TNFRSF10B: variants seen among roughly 807,000 people sequenced by gnomAD.
TNFRSF10B encodes the protein TNF receptor superfamily member 10b.
A neutral mutation model predicts 41.4 loss-of-function variants in TNFRSF10B; 35 were observed. The observed-to-expected ratio is 0.85, with a 90% CI of 0.65 to 1.12. The LOEUF (loss-of-function observed/expected upper bound fraction) is 1.12. Ranked by LOEUF, TNFRSF10B falls within the 50% of genes most tolerant of loss-of-function variation. TNFRSF10B has a pLI of 0.00. For synonymous variants in TNFRSF10B, 230 were observed against 215.5 expected (o/e 1.07, Z -0.59); for missense variants, 584 against 552.7 (o/e 1.06, Z -0.57).
intron 1 of TNFRSF10B, among the ~76,000 whole-genome samples, chr8:23,055,298 C>T (rs1393389638): frequency 6.6e-6 from 1 of 152,028 alleles, no homozygotes; most frequent in Non-Finnish European, 1.5e-5. Context: ...TCCAGTACTG[C>T]ATTTGGTGCC....
intron 1 of TNFRSF10B, among the ~76,000 whole-genome samples, chr8:23,047,233 G>A (rs768071065): frequency 1.3e-5 from 2 of 148,474 alleles, no homozygotes; most frequent in Non-Finnish European, 2.9e-5. Flanking sequence ...GGCATGCACC[G>A]GTAATCCCAG....
chr8:23,051,745 A>T (rs991328679), intron 1 of TNFRSF10B, among the ~76,000 whole-genome samples: 2 of 151,986 alleles, frequency 1.3e-5, no homozygotes, highest in African/African-American at 4.8e-5. Context: ...GGGTTTCATC[A>T]TGTTAGCCAG....
intron 8 of TNFRSF10B, 144 bp downstream of exon 8, chr8:23,024,044 A>G: frequency 1.0e-6 from 1 of 957,410 alleles, no homozygotes; most frequent in Non-Finnish European, 1.7e-6. Flanking sequence ...AAGACAGTTT[A>G]GGGTCCAGAT....
At chr8:23,028,721 C>G (rs1811788084) in intron 4 of TNFRSF10B, 119 bp from the exon 5 acceptor site, 3 of 1,267,216 alleles carry the variant, frequency 2.4e-6, no homozygotes, top group Non-Finnish European at 3.4e-6. Flanking sequence ...GAAGGACAGT[C>G]TCCTCGTGTC....
At chr8:23,036,708 T>C (rs945409656) in intron 2 of TNFRSF10B, among the ~76,000 whole-genome samples, 3 of 152,182 alleles carry the variant, frequency 2.0e-5, no homozygotes, top group African/African-American at 7.2e-5. Context: ...CCGAGCATGG[T>C]GGCACATGCC....
At position 23,052,529 on chromosome 8, in the gene TNFRSF10B, G is replaced by A. The variant is rs187520884; in HGVS notation, c.145-9286C>T. On this transcript the variant is annotated intron_variant, in intron 1 of 8. Coordinates refer to ENST00000276431, the MANE Select transcript of TNFRSF10B (RefSeq NM_003842.5). Reference sequence around the variant, plus strand: ...TCTTGATCTCCTGACCTTGTGATCCGCCCGCCTCAGCCTCCCAAAGTGCTG... The same window carrying A: ...TCTTGATCTCCTGACCTTGTGATCCACCCGCCTCAGCCTCCCAAAGTGCTG... Among the ~76,000 whole-genome samples the A allele has an allele frequency of 8.4e-3, 1,281 of 151,692 alleles. 23 individuals carry two copies. The highest frequency in any genetic ancestry group is 0.029 in the African/African-American group (1,201 of 41,352).
intron 6 of TNFRSF10B, 25 bp downstream of exon 6, chr8:23,027,697 C>G: frequency 6.2e-7 from 1 of 1,614,096 alleles, no homozygotes; most frequent in East Asian, 2.2e-5. Context: ...CCCTGAGCCC[C>G]CAGCTCCTGG....
At position 23,022,263 on chromosome 8, in the gene TNFRSF10B, C is replaced by G. The variant is rs1811553371; in HGVS notation, c.*408G>C. On this transcript the variant is annotated 3_prime_UTR_variant, in exon 9 of 9. Coordinates refer to ENST00000276431, the MANE Select transcript of TNFRSF10B (RefSeq NM_003842.5). ...AGACAGAGTGAACTGCCCCGCACCC[C>G]CCACCCAAAAAAGGTTCATATCATA... is the stretch of plus-strand genomic sequence containing the variant. 3 of 454,088 alleles carry G rather than the reference C, an allele frequency of 6.6e-6. No individual in the cohort carries two copies. Among genetic ancestry groups the G allele is most frequent in the South Asian group, 4.7e-5 (3 of 64,470 alleles). 28.1% of individuals were successfully genotyped at this position (454,088 alleles called of 1,614,324 possible). A position where few individuals can be genotyped will look rare whatever the true frequency, so the allele number is the denominator to read the frequency against.
chr8:23,063,251 G>C (rs1408433514), intron 1 of TNFRSF10B, among the ~76,000 whole-genome samples: 4 of 151,954 alleles, frequency 2.6e-5, no homozygotes, highest in Non-Finnish European at 5.9e-5. Context: ...AGGAGGCTGA[G>C]GCAGGAGAAT....
In TNFRSF10B at chr8:23,020,355, A is replaced by G. The variant is rs141093234; in HGVS notation, c.*2316T>C. On this transcript the variant is annotated 3_prime_UTR_variant, in exon 9 of 9. Coordinates refer to ENST00000276431, the MANE Select transcript of TNFRSF10B (RefSeq NM_003842.5). ...GGATATAGCAAAGCCTAATGTAACT[A>G]AACAACAAAACCCCCAATTATTTCA... 48 of 453,906 alleles carry G rather than the reference A, an allele frequency of 1.1e-4. No homozygotes were observed. Among genetic ancestry groups the G allele is most frequent in the Non-Finnish European group, 1.7e-4 (39 of 226,770 alleles). 28.1% of individuals were successfully genotyped at this position (453,906 alleles called of 1,614,324 possible). A position where few individuals can be genotyped will look rare whatever the true frequency, so the allele number is the denominator to read the frequency against.
intron 3 of TNFRSF10B, 84 bp downstream of exon 3, chr8:23,030,675 G>A (rs369623804): frequency 7.0e-6 from 7 of 1,001,588 alleles, no homozygotes; most frequent in East Asian, 2.6e-5. Context: ...CCAGAATCTA[G>A]GTCTCCTGAT....
chr8:23,027,540 C>T (rs1393573083), intron 6 of TNFRSF10B, 182 bp downstream of exon 6: 34 of 852,736 alleles, frequency 4.0e-5, no homozygotes, highest in East Asian at 2.6e-5. Context: ...CAGCAGGGCT[C>T]ACCAGCCTAT....
In TNFRSF10B at chr8:23,043,157, T is replaced by A; in HGVS notation, c.231A>T (p.Ser77=). Residue 77 remains serine (S), a synonymous_variant, in exon 2 of 9, where the codon TCA becomes TCT. Coordinates refer to ENST00000276431, the MANE Select transcript of TNFRSF10B (RefSeq NM_003842.5). ...ACATACCAGGTGGACACAATCCCTCTGAGGGGCTGGACCTCTTTTGTTGTG... is the reference window on the plus strand; with the variant it reads ...ACATACCAGGTGGACACAATCCCTCAGAGGGGCTGGACCTCTTTTGTTGTG... The part of the protein sequence containing the change: ...AAPQQKRSSP[S]EGLCPPGHHI... The A allele has an allele frequency of 6.2e-7, 1 of 1,614,158 alleles. No individual in the cohort carries two copies. The highest frequency in any genetic ancestry group is 8.5e-7 in the Non-Finnish European group (1 of 1,180,008).
Position 23,034,970 on chromosome 8 carries a change from T to C in TNFRSF10B, c.251-4098A>G, listed in dbSNP as rs565060390. Among the ~76,000 whole-genome samples, 135 of 152,324 alleles carry C rather than the reference T, an allele frequency of 8.9e-4. No individual in the cohort carries two copies. The South Asian group carries it at 0.019, about 22-fold the overall frequency. On this transcript the variant is annotated intron_variant, in intron 2 of 8. Transcript: ENST00000276431. ...TTGTTTGAGCAAATCGCCACATCCC[T>C]GGTACCCTGGTATGCAGGTGTTGAA... is the stretch of plus-strand genomic sequence containing the variant.
chr8:23,027,600 A>G, intron 6 of TNFRSF10B, 122 bp downstream of exon 6: 1 of 1,408,234 alleles, frequency 7.1e-7, no homozygotes, highest in Non-Finnish European at 9.9e-7. Flanking sequence ...CAGAGCACCC[A>G]GGCCACTTCA....
Position 23,022,265 on chromosome 8 carries a change from CA to C in TNFRSF10B, c.*405del, listed in dbSNP as rs893589828. 30 of 454,276 alleles carry C rather than the reference CA, an allele frequency of 6.6e-5. No individual in the cohort carries two copies. Among genetic ancestry groups the C allele is most frequent in the African/African-American group, 5.8e-4 (29 of 50,076 alleles). The allele number at this position is 454,276 out of a possible 1,614,324, so 28.1% of individuals were successfully genotyped here. On this transcript the variant is annotated 3_prime_UTR_variant, in exon 9 of 9. Transcript: ENST00000276431. ...ACAGAGTGAACTGCCCCGCACCCCC[CA>C]CCCAAAAAAGGTTCATATCATATAG... is the stretch of plus-strand genomic sequence containing the variant.
intron 1 of TNFRSF10B, among the ~76,000 whole-genome samples, chr8:23,067,883 T>C (rs776569740): frequency 1.3e-5 from 2 of 152,308 alleles, no homozygotes; most frequent in Non-Finnish European, 2.9e-5. Context: ...AGCTGCGGTC[T>C]CTTCCTCTGT....
rs1341518923 is a variant in TNFRSF10B, at chr8:23,021,986, TG to T, written c.*684del. The stretch of plus-strand genomic sequence containing the variant: ...AAAAGTAGAAAGGTAAGGCCAAGCA[TG>T]GGGGCTCACGCCTCTAATTCCACCG... On this transcript the variant is annotated 3_prime_UTR_variant, in exon 9 of 9. Transcript: ENST00000276431. 4.4e-6 allele frequency: 2 copies of T among 452,160 alleles called. No homozygotes were observed. Among genetic ancestry groups the T allele is most frequent in the Non-Finnish European group, 8.9e-6 (2 of 225,356 alleles). 28.0% of individuals were successfully genotyped at this position (452,160 alleles called of 1,614,324 possible).
rs572939532 is a variant in TNFRSF10B, at chr8:23,038,771, G to A, written c.250+4367C>T. Reference sequence around the variant, plus strand: ...CTTGGAGATCAAGTATGGTTTAAAAGAATTTCAAATCTTTAAAAATTCTGT... The same window carrying A: ...CTTGGAGATCAAGTATGGTTTAAAAAAATTTCAAATCTTTAAAAATTCTGT... On this transcript the variant is annotated intron_variant, in intron 2 of 8. Coordinates refer to ENST00000276431, the MANE Select transcript of TNFRSF10B (RefSeq NM_003842.5). Among the ~76,000 whole-genome samples, 5 of 152,024 alleles carry A rather than the reference G, an allele frequency of 3.3e-5. No individual in the cohort carries two copies. The South Asian group carries it at 1.0e-3, about 31-fold the overall frequency.
Sources: allele counts gnomAD v4.1 joint callset (sites outside exome capture counted in the v4.1 genomes callset), GRCh38; gene constraint gnomAD v4.1.1; transcripts MANE v1.5; gene names NCBI Gene and HGNC (gene_info 2026-07-23, HGNC 2026-07-21).